The following CIMAP2 variants were observed in gnomAD, a reference collection of about 807,000 sequenced individuals.
The protein encoded by CIMAP2 is ciliary microtubule-associated protein 2.
chr1:54,840,759 C>G, the CIMAP2 span, among the ~76,000 whole-genome samples: 724 of 152,304 alleles, frequency 4.8e-3, 10 homozygotes, highest in African/African-American at 0.017. Flanking sequence ...CATAGGCATC[C>G]TCTGATGTCT....
the CIMAP2 span, chr1:54,807,663 G>A: frequency 6.2e-7 from 1 of 1,604,038 alleles, no homozygotes; most frequent in South Asian, 1.1e-5. Flanking sequence ...TCCAGTACCA[G>A]GCCATCATGA....
At chr1:54,818,358 T>C in the CIMAP2 span, among the ~76,000 whole-genome samples, 24 of 152,162 alleles carry the variant, frequency 1.6e-4, 1 homozygote, top group African/African-American at 5.6e-4. Flanking sequence ...GATGCCCTGG[T>C]TTGGCACTCT....
chr1:54,807,128 A>G, the CIMAP2 span: 1 of 1,557,656 alleles, frequency 6.4e-7, no homozygotes, highest in East Asian at 2.2e-5. Flanking sequence ...GGGTCTGGCC[A>G]CTGCCCCTTC....
chr1:54,809,505 T>C, the CIMAP2 span, among the ~76,000 whole-genome samples: 2 of 152,212 alleles, frequency 1.3e-5, no homozygotes, highest in Non-Finnish European at 2.9e-5. Flanking sequence ...TTCATGTTCA[T>C]GACAACCCTA....
At chr1:54,822,936 T>C in the CIMAP2 span, among the ~76,000 whole-genome samples, 29,984 of 152,210 alleles carry the variant, frequency 0.2, 3,060 homozygotes, top group East Asian at 0.34. Context: ...TCTGAGGAGA[T>C]ACTTGGTATG....
chr1:54,811,765 G>GCCGGGGGGCCGCC, the CIMAP2 span: 1 of 1,301,332 alleles, frequency 7.7e-7, no homozygotes, highest in Non-Finnish European at 1.1e-6. Context: ...GGTTCTGACA[G>GCCGGGGGGCCGCC]CCTCCATGCC....
chr1:54,825,847 C>T, the CIMAP2 span, among the ~76,000 whole-genome samples: 1 of 151,902 alleles, frequency 6.6e-6, no homozygotes, highest in Non-Finnish European at 1.5e-5. Context: ...CAGTGGTGAG[C>T]AAGAGGGGCC....
At chr1:54,820,429 C>T in the CIMAP2 span, among the ~76,000 whole-genome samples, 4 of 151,620 alleles carry the variant, frequency 2.6e-5, no homozygotes, top group Non-Finnish European at 5.9e-5. Flanking sequence ...CCTCCCACCT[C>T]GGCCTCCCAA....
At chr1:54,836,761 G>A in the CIMAP2 span, among the ~76,000 whole-genome samples, 1 of 151,960 alleles carries the variant, frequency 6.6e-6, no homozygotes, top group Non-Finnish European at 1.5e-5. Context: ...AATATCCTTA[G>A]CCTGGCCGTG....
the CIMAP2 span, among the ~76,000 whole-genome samples, chr1:54,820,474 G>A: frequency 6.6e-5 from 10 of 151,646 alleles, no homozygotes; most frequent in African/African-American, 2.4e-4. Flanking sequence ...CACTACGCCT[G>A]GCCTATTTTT....
the CIMAP2 span, chr1:54,811,838 A>G: frequency 6.3e-7 from 1 of 1,597,702 alleles, no homozygotes; most frequent in Non-Finnish European, 8.5e-7. Context: ...AGGGTAACCC[A>G]TACACCAAGC....
the CIMAP2 span, among the ~76,000 whole-genome samples, chr1:54,834,738 A>G: frequency 1.2e-4 from 18 of 152,348 alleles, no homozygotes; most frequent in Non-Finnish European, 1.5e-5. Context: ...TTTCTACAAT[A>G]TTTTAAATAA....
At chr1:54,821,889 T>TC in the CIMAP2 span, among the ~76,000 whole-genome samples, 616 of 49,296 alleles carry the variant, frequency 0.012, 14 homozygotes, top group African/African-American at 0.028. Flanking sequence ...CTTATTTCTT[T>TC]TTTTTTTTTT....
chr1:54,809,592 G>T, the CIMAP2 span, among the ~76,000 whole-genome samples: 6 of 152,122 alleles, frequency 3.9e-5, no homozygotes, highest in African/African-American at 1.4e-4. Context: ...ACTGCCCAAG[G>T]TCATGAAGCT....
At chr1:54,817,306 A>C in the CIMAP2 span, among the ~76,000 whole-genome samples, 92,826 of 152,070 alleles carry the variant, frequency 0.61, 28,949 homozygotes, top group South Asian at 0.75. Context: ...ACTTACTGTA[A>C]GTGTGAGGTG....
chr1:54,813,838 A>C, the CIMAP2 span: 3 of 1,608,686 alleles, frequency 1.9e-6, no homozygotes, highest in Non-Finnish European at 2.5e-6. Flanking sequence ...GGAACTGATG[A>C]ATTTCAAGAG....
the CIMAP2 span, among the ~76,000 whole-genome samples, chr1:54,819,984 CTT>C: frequency 1.8e-5 from 2 of 111,046 alleles, no homozygotes; most frequent in East Asian, 5.9e-4. Flanking sequence ...CTTTTTCTCT[CTT>C]TCTTCTTTCT....
the CIMAP2 span, chr1:54,806,188 C>A: frequency 6.5e-7 from 1 of 1,547,862 alleles, no homozygotes; most frequent in Non-Finnish European, 8.7e-7. Flanking sequence ...CCAAGTGGTT[C>A]ACCGGGGCGC....
chr1:54,812,463 A>G, the CIMAP2 span, among the ~76,000 whole-genome samples: 4 of 152,250 alleles, frequency 2.6e-5, no homozygotes, highest in Non-Finnish European at 5.9e-5. Flanking sequence ...CTGCACTGGC[A>G]TGAAGTGCCC....
Sources: allele counts gnomAD v4.1 joint callset (sites outside exome capture counted in the v4.1 genomes callset), GRCh38; gene constraint gnomAD v4.1.1; transcripts MANE v1.5; gene names NCBI Gene and HGNC (gene_info 2026-07-23, HGNC 2026-07-21).